Variants in KCNIP1 observed in about 807,000 individuals in gnomAD.
KCNIP1 encodes the protein potassium voltage-gated channel interacting protein 1.
KCNIP1 carries 18 observed loss-of-function variants against 33.0 expected under a neutral mutation model. The observed-to-expected ratio is 0.55, with a 90% CI of 0.38 to 0.81. KCNIP1 has a LOEUF of 0.81. Among genes scored for constraint, KCNIP1 ranks in the 30% least tolerant of loss-of-function variants. The pLI, the probability that KCNIP1 is intolerant of heterozygous loss-of-function variation, is 0.00. For synonymous variants in KCNIP1, 93 were observed against 98.3 expected (o/e 0.95, Z 0.32); for missense variants, 238 against 271.6 (o/e 0.88, Z 0.87).
intron 1 of KCNIP1, among the ~76,000 whole-genome samples, chr5:170,390,047 A>C (rs1764655251): frequency 6.6e-6 from 1 of 152,222 alleles, no homozygotes; most frequent in Non-Finnish European, 1.5e-5. Flanking sequence ...AACTGCTTCC[A>C]ACCAGGTCCA....
intron 1 of KCNIP1, among the ~76,000 whole-genome samples, chr5:170,444,696 T>G (rs899704395): frequency 2.8e-5 from 4 of 142,240 alleles, no homozygotes; most frequent in Non-Finnish European, 1.6e-5. Context: ...TTTTTTCTTT[T>G]TTTAAAAAAA....
chr5:170,452,974 A>G lies in KCNIP1; in HGVS notation c.88+99010A>G, dbSNP rs916974195. ...GAAAAATCTAAAAAGGCAATAAAAC[A>G]TATTAGAAGCCTTCTTGAGGAACAG... On this transcript the variant is annotated intron_variant, in intron 1 of 7. Transcript: ENST00000377360. 3.9e-5 allele frequency among the ~76,000 whole-genome samples: 6 copies of G among 152,214 alleles called. No individual in the cohort carries two copies. The East Asian group carries it at 1.2e-3, about 29-fold the overall frequency.
intron 1 of KCNIP1, among the ~76,000 whole-genome samples, chr5:170,699,691 G>T (rs1763026188): frequency 6.6e-6 from 1 of 152,142 alleles, no homozygotes. Flanking sequence ...GAATTGCCAG[G>T]TCCCCTGGTA....
intron 1 of KCNIP1, chr5:170,378,260 T>C (rs1328992513): frequency 6.2e-6 from 1 of 160,620 alleles, no homozygotes; most frequent in Non-Finnish European, 1.4e-5. Flanking sequence ...GTTCTAGAAA[T>C]GGGAGCTGCT....
chr5:170,542,159 A>T (rs1020683833), intron 1 of KCNIP1, among the ~76,000 whole-genome samples: 1 of 152,234 alleles, frequency 6.6e-6, no homozygotes, highest in Non-Finnish European at 1.5e-5. Context: ...GACTTAAGCA[A>T]CAATTCAGAT....
At chr5:170,565,593 G>T (rs1245535182) in intron 1 of KCNIP1, among the ~76,000 whole-genome samples, 2 of 152,132 alleles carry the variant, frequency 1.3e-5, no homozygotes, top group Non-Finnish European at 2.9e-5. Flanking sequence ...CCTACTATGT[G>T]CCAGGCACTG....
intron 1 of KCNIP1, among the ~76,000 whole-genome samples, chr5:170,444,136 C>A (rs1756054538): frequency 6.6e-6 from 1 of 152,194 alleles, no homozygotes; most frequent in South Asian, 2.1e-4. Context: ...TTCGTGGCTT[C>A]AAACAACACA....
At chr5:170,498,316 A>T (rs2113217107) in intron 1 of KCNIP1, among the ~76,000 whole-genome samples, 1 of 152,340 alleles carries the variant, frequency 6.6e-6, no homozygotes, top group Middle Eastern at 3.4e-3. Context: ...TGCAAACATG[A>T]GGAAATTGAG....
At chr5:170,453,142 T>A (rs2113080227) in intron 1 of KCNIP1, among the ~76,000 whole-genome samples, 1 of 152,308 alleles carries the variant, frequency 6.6e-6, no homozygotes, top group South Asian at 2.1e-4. Flanking sequence ...CTCTTCACCC[T>A]CCAAATTGAC....
intron 1 of KCNIP1, among the ~76,000 whole-genome samples, chr5:170,509,745 T>C (rs1437823054): frequency 6.6e-6 from 1 of 152,198 alleles, no homozygotes; most frequent in African/African-American, 2.4e-5. Context: ...CAAAGAGCAT[T>C]GATAGTCATC....
intron 1 of KCNIP1, among the ~76,000 whole-genome samples, chr5:170,557,100 C>T (rs1254401558): frequency 1.3e-5 from 2 of 152,140 alleles, no homozygotes; most frequent in African/African-American, 4.8e-5. Context: ...TGCTCCAGTC[C>T]CAGCTCTGCC....
At chr5:170,396,415 A>G (rs1333264656) in intron 1 of KCNIP1, among the ~76,000 whole-genome samples, 1 of 152,222 alleles carries the variant, frequency 6.6e-6, no homozygotes, top group African/African-American at 2.4e-5. Flanking sequence ...AAATGTGAGG[A>G]CCATGACCTG....
intron 1 of KCNIP1, among the ~76,000 whole-genome samples, chr5:170,667,820 A>G (rs966170670): frequency 3.9e-5 from 6 of 152,234 alleles, no homozygotes; most frequent in African/African-American, 1.4e-4. Context: ...GCAGCCAATT[A>G]ATATTACTCG....
intron 1 of KCNIP1, among the ~76,000 whole-genome samples, chr5:170,549,574 T>C (rs1756533797): frequency 6.6e-6 from 1 of 152,254 alleles, no homozygotes; most frequent in South Asian, 2.1e-4. Flanking sequence ...AGGTTTACTG[T>C]TGATGAAACC....
chr5:170,395,468 T>G (rs1275898304), intron 1 of KCNIP1, among the ~76,000 whole-genome samples: 4 of 152,240 alleles, frequency 2.6e-5, no homozygotes, highest in African/African-American at 9.6e-5. Context: ...GGGTACTTGC[T>G]TCCCTGCATG....
intron 1 of KCNIP1, among the ~76,000 whole-genome samples, chr5:170,358,066 G>A (rs968795977): frequency 2.6e-5 from 4 of 152,144 alleles, no homozygotes; most frequent in East Asian, 1.9e-4. Flanking sequence ...CCCTCCACCC[G>A]CCTCACAGAC....
At chr5:170,627,560 C>T (rs770064586) in intron 1 of KCNIP1, among the ~76,000 whole-genome samples, 5 of 152,274 alleles carry the variant, frequency 3.3e-5, no homozygotes, top group Admixed American at 1.3e-4. Flanking sequence ...GGCCACTGCT[C>T]AGGACCCTGG....
At chr5:170,632,471 C>G (rs1456862816) in intron 1 of KCNIP1, among the ~76,000 whole-genome samples, 1 of 152,252 alleles carries the variant, frequency 6.6e-6, no homozygotes, top group African/African-American at 2.4e-5. Context: ...GCAGAGCACT[C>G]TGCCTCCCTA....
At chr5:170,388,923 C>G (rs1219886686) in intron 1 of KCNIP1, among the ~76,000 whole-genome samples, 2 of 152,230 alleles carry the variant, frequency 1.3e-5, no homozygotes, top group Non-Finnish European at 2.9e-5. Context: ...GAGCAGAAGT[C>G]TGGACCCCTC....
Sources: gnomAD v4.1 joint callset for allele counts (sites outside exome capture counted in the v4.1 genomes callset) on GRCh38, gnomAD v4.1.1 for gene constraint, MANE v1.5 for transcripts, NCBI Gene and HGNC (gene_info 2026-07-23, HGNC 2026-07-21) for gene names.